STPG2: variants seen among roughly 807,000 people sequenced by gnomAD.
STPG2 encodes sperm-tail PG-rich repeat-containing protein 2.
A neutral mutation model predicts 54.2 loss-of-function variants in STPG2; 56 were observed. The observed-to-expected ratio is 1.03, with a 90% CI of 0.83 to 1.29. The LOEUF is 1.29. STPG2 is among the 50% of genes most tolerant of loss of function. The probability of loss-of-function intolerance (pLI) is 0.00; values close to 1 mark genes in which losing one functional copy is unlikely to be tolerated. For synonymous variants in STPG2, 200 were observed against 181.8 expected (o/e 1.10, Z -0.81); for missense variants, 596 against 544.9 (o/e 1.09, Z -0.93).
At chr4:97,599,831 A>T (rs1220104130) in intron 10 of STPG2, among the ~76,000 whole-genome samples, 2 of 150,448 alleles carry the variant, frequency 1.3e-5, no homozygotes, top group Admixed American at 6.6e-5. Context: ...CTCAAAAAAA[A>T]AAAAAAGAAA....
chr4:98,067,612 A>G (rs1295393241), intron 5 of STPG2, among the ~76,000 whole-genome samples: 2 of 152,308 alleles, frequency 1.3e-5, no homozygotes, highest in Middle Eastern at 3.4e-3. Flanking sequence ...CAATATGAAA[A>G]ATATGTTTAA....
chr4:97,973,072 A>G (rs1734389186), intron 6 of STPG2, among the ~76,000 whole-genome samples: 1 of 152,216 alleles, frequency 6.6e-6, no homozygotes, highest in African/African-American at 2.4e-5. Context: ...GGTAACAGGC[A>G]TGGGTTGGAA....
chr4:97,568,099 A>G (rs1732501792), intron 10 of STPG2, among the ~76,000 whole-genome samples: 1 of 152,222 alleles, frequency 6.6e-6, no homozygotes. Flanking sequence ...CAAATGAATA[A>G]CATAGCCACA....
chr4:97,924,544 G>A (rs971590210), intron 8 of STPG2, among the ~76,000 whole-genome samples: 1 of 152,132 alleles, frequency 6.6e-6, no homozygotes, highest in Non-Finnish European at 1.5e-5. Flanking sequence ...TGTAAATCCA[G>A]CATTAAAGAT....
At chr4:98,039,285 T>C (rs986352663) in intron 5 of STPG2, among the ~76,000 whole-genome samples, 1 of 151,612 alleles carries the variant, frequency 6.6e-6, no homozygotes, top group Non-Finnish European at 1.5e-5. Flanking sequence ...GGAAAACTAA[T>C]TAAAACAATC....
At chr4:97,722,964 A>ATTTTTTTTTTT (rs3974903) in intron 9 of STPG2, among the ~76,000 whole-genome samples, 7 of 116,364 alleles carry the variant, frequency 6.0e-5, no homozygotes, top group Non-Finnish European at 5.2e-5. Context: ...CACCCGGCTA[A>ATTTTTTTTTTT]TTTTTTTTTT....
intron 8 of STPG2, among the ~76,000 whole-genome samples, chr4:97,923,250 GGA>G (rs1732181602): frequency 6.6e-6 from 1 of 152,248 alleles, no homozygotes; most frequent in African/African-American, 2.4e-5. Context: ...GGGGGGGTGT[GGA>G]GAGAGAGGCA....
At chr4:97,864,580 G>GA (rs1006408289) in intron 8 of STPG2, among the ~76,000 whole-genome samples, 1 of 151,756 alleles carries the variant, frequency 6.6e-6, no homozygotes, top group African/African-American at 2.4e-5. Context: ...CACAGAATTG[G>GA]AAAAAAACAA....
chr4:98,032,332 C>T (rs1045747436), intron 5 of STPG2, among the ~76,000 whole-genome samples: 13 of 151,996 alleles, frequency 8.6e-5, no homozygotes, highest in Admixed American at 3.3e-4. Flanking sequence ...TATGAATCAA[C>T]GAGTGGAAAA....
At chr4:97,459,882 A>G (rs1016497604) in intron 4 of STPG2, among the ~76,000 whole-genome samples, 1 of 152,152 alleles carries the variant, frequency 6.6e-6, no homozygotes, top group Non-Finnish European at 1.5e-5. Context: ...CTCTATCCAC[A>G]TGTACTACAG....
At chr4:97,807,820 C>CA (rs1054866487) in intron 9 of STPG2, among the ~76,000 whole-genome samples, 16 of 151,538 alleles carry the variant, frequency 1.1e-4, no homozygotes, top group South Asian at 4.2e-4. Context: ...GATAAGGATA[C>CA]AAAAAACAAA....
At chr4:97,938,533 G>T (rs1732848454) in intron 8 of STPG2, among the ~76,000 whole-genome samples, 1 of 152,202 alleles carries the variant, frequency 6.6e-6, no homozygotes, top group Admixed American at 6.5e-5. Context: ...CCAGATTCCA[G>T]CCAATTGACT....
chr4:98,084,075 G>A (rs1275393364), intron 5 of STPG2, among the ~76,000 whole-genome samples: 3 of 152,056 alleles, frequency 2.0e-5, no homozygotes, highest in Non-Finnish European at 2.9e-5. Flanking sequence ...GAACTCCTGG[G>A]CTCAAGCAAT....
intron 5 of STPG2, among the ~76,000 whole-genome samples, chr4:98,038,989 T>C (rs1381690766): frequency 6.6e-6 from 1 of 151,952 alleles, no homozygotes; most frequent in Non-Finnish European, 1.5e-5. Context: ...TACTAAGTGT[T>C]GATGAGGATT....
At chr4:97,960,764 C>A (rs1414354956) in intron 7 of STPG2, among the ~76,000 whole-genome samples, 3 of 152,022 alleles carry the variant, frequency 2.0e-5, no homozygotes, top group Admixed American at 1.3e-4. Flanking sequence ...GTGAAAATGA[C>A]CATATTGCCA....
chr4:97,762,173 C>A (rs1040770411), intron 9 of STPG2, among the ~76,000 whole-genome samples: 1 of 152,090 alleles, frequency 6.6e-6, no homozygotes. Context: ...GGAGTTCTTT[C>A]CTTTTCCTTA....
At chr4:98,128,108 C>T (rs577143642) in intron 3 of STPG2, among the ~76,000 whole-genome samples, 2 of 152,236 alleles carry the variant, frequency 1.3e-5, no homozygotes, top group Admixed American at 1.3e-4. Context: ...AGCATAATTC[C>T]CCATCCTCTT....
At chr4:97,700,509 C>T (rs910251995) in intron 10 of STPG2, among the ~76,000 whole-genome samples, 1 of 152,158 alleles carries the variant, frequency 6.6e-6, no homozygotes, top group African/African-American at 2.4e-5. Context: ...CCACTGGACC[C>T]CTAGAAATTT....
At chr4:97,972,464 T>C in intron 6 of STPG2, 24 bp from the exon 7 acceptor site, 1 of 1,374,542 alleles carries the variant, frequency 7.3e-7, no homozygotes, top group Non-Finnish European at 9.7e-7. Context: ...AAGTATCATA[T>C]ATAAGAATAA....
Sources: allele counts gnomAD v4.1 joint callset (sites outside exome capture counted in the v4.1 genomes callset), GRCh38; gene constraint gnomAD v4.1.1; transcripts MANE v1.5; gene names NCBI Gene and HGNC (gene_info 2026-07-23, HGNC 2026-07-21).